Variants in NARS2 observed in about 807,000 individuals in gnomAD.
NARS2 encodes asparaginyl-tRNA synthetase.
NARS2 carries 60 observed loss-of-function variants against 62.9 expected under a neutral mutation model. The observed-to-expected ratio is 0.95, with a 90% CI of 0.77 to 1.18. NARS2 has a LOEUF of 1.18. Ranked by LOEUF, NARS2 falls within the 50% of genes most tolerant of loss-of-function variation. The pLI, the probability that NARS2 is intolerant of heterozygous loss-of-function variation, is 0.00. For synonymous variants in NARS2, 196 were observed against 200.0 expected (o/e 0.98, Z 0.17); for missense variants, 619 against 576.4 (o/e 1.07, Z -0.76).
chr11:78,482,776 G>A (rs1859411935), intron 7 of NARS2, among the ~76,000 whole-genome samples: 1 of 152,088 alleles, frequency 6.6e-6, no homozygotes, highest in African/African-American at 2.4e-5. Flanking sequence ...AAAAGCCCAG[G>A]ACCAGACAGA....
intron 5 of NARS2, 92 bp from the exon 6 acceptor site, chr11:78,529,028 G>T: frequency 1.2e-6 from 1 of 831,878 alleles, no homozygotes; most frequent in Non-Finnish European, 2.0e-6. Context: ...AAATCACAAT[G>T]CAATTAAATC....
In NARS2 at chr11:78,467,555, A is replaced by AATT. The variant is rs1858672661; in HGVS notation, c.1027-1543_1027-1542insAAT. Among the ~76,000 whole-genome samples, 10 of 151,392 alleles carry AATT rather than the reference A, an allele frequency of 6.6e-5. No individual in the cohort carries two copies. In the East Asian group the frequency reaches 2.0e-3, roughly 30 times the overall value. The stretch of plus-strand genomic sequence containing the variant: ...CTTGTCTTTCAAAAAATAAATAAAT[A>AATT]AATAAATAAATAAATTAATTAATTA... On this transcript the variant is annotated intron_variant, in intron 10 of 13. Transcript: ENST00000281038.
At chr11:78,485,342 T>C (rs1284548941) in intron 7 of NARS2, among the ~76,000 whole-genome samples, 4 of 152,060 alleles carry the variant, frequency 2.6e-5, no homozygotes, top group African/African-American at 9.7e-5. Flanking sequence ...CCATGGCACA[T>C]GTATACCTAT....
At chr11:78,563,885 G>GTATTATTATTATTAT (rs550249150) in intron 4 of NARS2, among the ~76,000 whole-genome samples, 1,023 of 82,026 alleles carry the variant, frequency 0.012, 33 homozygotes, top group African/African-American at 0.044. Flanking sequence ...CACACACACA[G>GTATTATTATTATTAT]TATTATTATT....
chr11:78,462,500 T>C (rs994549950), intron 11 of NARS2, among the ~76,000 whole-genome samples: 2 of 152,148 alleles, frequency 1.3e-5, no homozygotes, highest in East Asian at 3.8e-4. Flanking sequence ...TTTTAGGCAG[T>C]TGGAAGAAGT....
At chr11:78,449,634 C>T (rs1454316480) in intron 11 of NARS2, among the ~76,000 whole-genome samples, 1 of 152,100 alleles carries the variant, frequency 6.6e-6, no homozygotes, top group Non-Finnish European at 1.5e-5. Context: ...TCACAAACAA[C>T]CCCAGAAGCT....
chr11:78,556,278 C>T (rs1007715741), intron 5 of NARS2, among the ~76,000 whole-genome samples: 1 of 152,272 alleles, frequency 6.6e-6, no homozygotes, highest in South Asian at 2.1e-4. Flanking sequence ...ACTCACTGAC[C>T]TACCTCATTT....
chr11:78,475,455 CTTTTGG>C (rs1352970661), intron 9 of NARS2, among the ~76,000 whole-genome samples: 1 of 151,904 alleles, frequency 6.6e-6, no homozygotes, highest in African/African-American at 2.4e-5. Context: ...GGTAAATATA[CTTTTGG>C]TTTTTTGAGA....
chr11:78,496,583 C>T (rs1269527204), intron 6 of NARS2, among the ~76,000 whole-genome samples: 2 of 152,138 alleles, frequency 1.3e-5, no homozygotes, highest in Admixed American at 1.3e-4. Context: ...CAAAACAACA[C>T]TGCAAACTCA....
intron 5 of NARS2, among the ~76,000 whole-genome samples, chr11:78,546,094 T>C (rs1855865342): frequency 6.6e-6 from 1 of 152,190 alleles, no homozygotes; most frequent in Non-Finnish European, 1.5e-5. Context: ...GTCTCTCACA[T>C]GGTTTCAGTC....
chr11:78,491,495 G>A (rs1859817428), intron 7 of NARS2, among the ~76,000 whole-genome samples: 1 of 152,238 alleles, frequency 6.6e-6, no homozygotes, highest in Non-Finnish European at 1.5e-5. Flanking sequence ...AGACCCAAAG[G>A]TACTGCCTTA....
chr11:78,505,113 C>A (rs144476743), intron 6 of NARS2, among the ~76,000 whole-genome samples: 17 of 151,494 alleles, frequency 1.1e-4, no homozygotes, highest in African/African-American at 3.6e-4. Context: ...GAAATTCACA[C>A]CCACTGCATG....
intron 13 of NARS2, among the ~76,000 whole-genome samples, chr11:78,439,154 CAGCCTCCGG>C (rs1296246842): frequency 6.6e-6 from 1 of 152,066 alleles, no homozygotes; most frequent in Non-Finnish European, 1.5e-5. Flanking sequence ...TCTCCTGCCT[CAGCCTCCGG>C]AGTAGCTGGG....
chr11:78,517,964 A>C (rs1590805242), intron 6 of NARS2, among the ~76,000 whole-genome samples: 2 of 152,222 alleles, frequency 1.3e-5, no homozygotes. Flanking sequence ...TAAAGATCCT[A>C]GGTTTCACGG....
At chr11:78,524,914 G>A (rs1471168615) in intron 6 of NARS2, among the ~76,000 whole-genome samples, 3 of 152,092 alleles carry the variant, frequency 2.0e-5, no homozygotes, top group Non-Finnish European at 4.4e-5. Context: ...TTCAACAGGT[G>A]AACTGATAAA....
intron 5 of NARS2, chr11:78,558,678 T>C (rs1460494162): frequency 6.6e-6 from 1 of 152,196 alleles, no homozygotes; most frequent in Non-Finnish European, 1.5e-5. Flanking sequence ...TTAAAAAATA[T>C]CTGCAGTAAG....
Position 78,443,660 on chromosome 11 carries a change from C to T in NARS2, c.1262+1G>A. On this transcript the variant is annotated splice_donor_variant, in intron 12 of 13. Coordinates refer to ENST00000281038, the MANE Select transcript of NARS2 (RefSeq NM_024678.6). LOFTEE classifies it high-confidence loss of function. ...GTGTTTCTTTTAGGTCTGACCAGTA[C>T]CTGGCTAAGCGCTCCTCTAAGAAAT... The T allele has an allele frequency of 6.2e-7, 1 of 1,607,988 alleles. No homozygotes were observed. Among genetic ancestry groups the T allele is most frequent in the Non-Finnish European group, 8.5e-7 (1 of 1,174,620 alleles).
intron 7 of NARS2, among the ~76,000 whole-genome samples, chr11:78,485,960 C>T (rs1294294396): frequency 2.6e-5 from 4 of 152,078 alleles, no homozygotes; most frequent in Non-Finnish European, 2.9e-5. Context: ...CTGCAATCTC[C>T]GCCTCCCAGG....
intron 6 of NARS2, among the ~76,000 whole-genome samples, chr11:78,506,536 T>G (rs1379815284): frequency 6.6e-6 from 1 of 152,030 alleles, no homozygotes; most frequent in Non-Finnish European, 1.5e-5. Context: ...ATTTGTCTGA[T>G]TTAACTGTTT....
Sources: gnomAD v4.1 joint callset for allele counts (sites outside exome capture counted in the v4.1 genomes callset) on GRCh38, gnomAD v4.1.1 for gene constraint, MANE v1.5 for transcripts, NCBI Gene and HGNC (gene_info 2026-07-23, HGNC 2026-07-21) for gene names.